C2orf76: variants seen among roughly 807,000 people sequenced by gnomAD.
C2orf76 encodes chromosome 2 open reading frame 76, also known as UPF0538 protein C2orf76.
In C2orf76, 23 loss-of-function variants were observed where a neutral mutation model predicts 16.9. The ratio of observed to expected loss-of-function variants is 1.36; its 90% CI spans 0.98 to 1.93. The LOEUF is 1.93. Among genes scored for constraint, C2orf76 ranks in the 30% most tolerant of loss-of-function variants. The pLI is 0.00. For synonymous variants in C2orf76, 48 were observed against 52.3 expected, an observed-to-expected ratio of 0.92 and a Z score of 0.35; for missense variants, 152 against 152.6, an observed-to-expected ratio of 1.00 and a Z score of 0.02.
intron 1 of C2orf76, among the ~76,000 whole-genome samples, chr2:119,356,086 C>A (rs1235694343): frequency 6.6e-6 from 1 of 152,092 alleles, no homozygotes; most frequent in South Asian, 2.1e-4. Flanking sequence ...ACTAAACAAG[C>A]CCTGGACCAA....
At chr2:119,356,717 G>T (rs1436762651) in intron 1 of C2orf76, among the ~76,000 whole-genome samples, 2 of 150,970 alleles carry the variant, frequency 1.3e-5, no homozygotes, top group African/African-American at 4.9e-5. Context: ...GTGGTTTTTT[G>T]AAAAGATTTT....
chr2:119,285,379 G>A, the C2orf76 span, among the ~76,000 whole-genome samples: 1 of 152,152 alleles, frequency 6.6e-6, no homozygotes, highest in Admixed American at 6.5e-5. Flanking sequence ...TAACTTGGAG[G>A]AGCTTCTTGG....
At chr2:119,308,537 A>G (rs1174767199) in intron 5 of C2orf76, among the ~76,000 whole-genome samples, 1 of 152,170 alleles carries the variant, frequency 6.6e-6, no homozygotes, top group Non-Finnish European at 1.5e-5. Context: ...GCTACTCAGG[A>G]GGCTGAGGCA....
intron 4 of C2orf76, among the ~76,000 whole-genome samples, chr2:119,313,657 T>C (rs761546205): frequency 1.3e-4 from 20 of 152,192 alleles, no homozygotes; most frequent in African/African-American, 4.8e-4. Context: ...TCCAAGCATA[T>C]ATGAATAGAA....
At chr2:119,363,027 C>T (rs966281812) in intron 1 of C2orf76, among the ~76,000 whole-genome samples, 1 of 151,962 alleles carries the variant, frequency 6.6e-6, no homozygotes, top group African/African-American at 2.4e-5. Flanking sequence ...ATTCTTACCC[C>T]ACCCCCACCA....
At chr2:119,317,335 G>T (rs966745240) in intron 4 of C2orf76, 131 bp downstream of exon 4, 12 of 551,740 alleles carry the variant, frequency 2.2e-5, no homozygotes, top group Non-Finnish European at 3.2e-5. Context: ...AGTAAAAAGG[G>T]TACCTACAAA....
chr2:119,321,196 A>G lies in C2orf76; in HGVS notation c.142T>C (p.Leu48=). Residue 48 remains leucine, a synonymous_variant, in exon 3 of 6, where the codon TTA becomes CTA. Coordinates refer to ENST00000334816, the MANE Select transcript of C2orf76 (RefSeq NM_001322331.2). ...AATGGTGGTGGCAGGTTGGTCCTTA[A>G]AGGGATATCTACAAGAGAAAGATTA... ...FIVFLKQDIP[L]RTNLPPPFRN... The G allele has an allele frequency of 7.0e-7, 1 of 1,420,550 alleles. No individual in the cohort carries two copies. The highest frequency in any genetic ancestry group is 1.3e-5 in the South Asian group (1 of 75,898). The allele number at this position is 1,420,550 out of a possible 1,614,324, so 88.0% of individuals were successfully genotyped here.
chr2:119,287,193 C>G, the C2orf76 span, among the ~76,000 whole-genome samples: 318 of 152,334 alleles, frequency 2.1e-3, 1 homozygote, highest in African/African-American at 7.1e-3. Context: ...ACAGGGCAAG[C>G]ACTTGATAAA....
chr2:119,361,494 C>T (rs542244159), intron 1 of C2orf76, among the ~76,000 whole-genome samples: 3 of 151,662 alleles, frequency 2.0e-5, no homozygotes, highest in Non-Finnish European at 2.9e-5. Context: ...GATACACACA[C>T]AAAAAAATTG....
intron 4 of C2orf76, among the ~76,000 whole-genome samples, chr2:119,314,013 G>GTTT (rs1679081403): frequency 9.3e-5 from 5 of 53,774 alleles, no homozygotes; most frequent in African/African-American, 2.1e-4. Flanking sequence ...TTTTCTCAGT[G>GTTT]GTTTTTTTTT....
At chr2:119,342,365 C>T (rs1240677815) in intron 1 of C2orf76, among the ~76,000 whole-genome samples, 4 of 152,124 alleles carry the variant, frequency 2.6e-5, no homozygotes, top group Admixed American at 6.5e-5. Context: ...AATACCTGCA[C>T]TTTGGGAGGC....
intron 5 of C2orf76, among the ~76,000 whole-genome samples, chr2:119,304,226 C>T (rs1196184455): frequency 6.6e-6 from 1 of 152,202 alleles, no homozygotes; most frequent in African/African-American, 2.4e-5. Flanking sequence ...AAAAGACACC[C>T]TGTTCTTAAT....
intron 1 of C2orf76, among the ~76,000 whole-genome samples, chr2:119,355,119 G>C (rs1470890640): frequency 6.6e-6 from 1 of 152,202 alleles, no homozygotes; most frequent in Non-Finnish European, 1.5e-5. Context: ...CTGGACAGTT[G>C]AGTTTTCCCA....
intron 1 of C2orf76, among the ~76,000 whole-genome samples, chr2:119,340,601 C>T (rs1679994698): frequency 6.6e-6 from 1 of 151,932 alleles, no homozygotes; most frequent in African/African-American, 2.4e-5. Context: ...AGCATTTTGC[C>T]TCATGGTTTC....
intron 1 of C2orf76, among the ~76,000 whole-genome samples, chr2:119,341,656 G>C (rs1680034725): frequency 6.6e-6 from 1 of 152,114 alleles, no homozygotes; most frequent in South Asian, 2.1e-4. Flanking sequence ...GTTCTATCTA[G>C]TAGCACCTAC....
chr2:119,284,504 C>A, the C2orf76 span, among the ~76,000 whole-genome samples: 2 of 152,120 alleles, frequency 1.3e-5, no homozygotes, highest in Admixed American at 1.3e-4. Context: ...CCCAAGAGGC[C>A]TCAGTGGATC....
chr2:119,283,417 C>G, the C2orf76 span, among the ~76,000 whole-genome samples: 2 of 152,194 alleles, frequency 1.3e-5, no homozygotes, highest in Admixed American at 6.5e-5. Flanking sequence ...CCTTCTCCCC[C>G]TCTCTCTTCC....
chr2:119,327,128 C>T (rs1679532022), intron 2 of C2orf76, among the ~76,000 whole-genome samples: 2 of 152,244 alleles, frequency 1.3e-5, no homozygotes, highest in Admixed American at 1.3e-4. Flanking sequence ...GTCCCTGCTT[C>T]CTTATTTTAG....
At chr2:119,300,366 A>C (rs1678598374), downstream of C2orf76, among the ~76,000 whole-genome samples, 1 of 152,174 alleles carries the variant, frequency 6.6e-6, no homozygotes, top group Admixed American at 6.5e-5. Context: ...TCTTTCTGCC[A>C]CCTGGACATT....
Sources: allele counts gnomAD v4.1 joint callset (sites outside exome capture counted in the v4.1 genomes callset), GRCh38; gene constraint gnomAD v4.1.1; transcripts MANE v1.5; gene names NCBI Gene and HGNC (gene_info 2026-07-23, HGNC 2026-07-21).